Variants in NF1 observed in about 807,000 individuals in gnomAD.
NF1 encodes the protein neurofibromin.
In NF1, 122 loss-of-function variants were observed where a neutral mutation model predicts 325.7. That is an observed-to-expected ratio of 0.37 (90% CI 0.32 to 0.44). The LOEUF is 0.44. Among genes scored for constraint, NF1 ranks in the 20% least tolerant of loss-of-function variants. The probability of loss-of-function intolerance (pLI) is 1.00; values close to 1 mark genes in which losing one functional copy is unlikely to be tolerated. For synonymous variants in NF1, 1,091 were observed against 1,186.0 expected, an observed-to-expected ratio of 0.92 and a Z score of 1.65; for missense variants, 2,140 against 3,415.4, an observed-to-expected ratio of 0.63 and a Z score of 9.31.
intron 16 of NF1, among the ~76,000 whole-genome samples, chr17:31,224,567 G>A (rs563643774): frequency 4.0e-4 from 61 of 152,170 alleles, no homozygotes; most frequent in African/African-American, 1.4e-3. Flanking sequence ...TCATGGCCTC[G>A]CCTATGGTAT....
At chr17:31,323,277 G>T (rs1203559457) in intron 36 of NF1, among the ~76,000 whole-genome samples, 1 of 151,994 alleles carries the variant, frequency 6.6e-6, no homozygotes. Context: ...GCCGGGCATG[G>T]TGGCGCTTAT....
chr17:31,235,946 T>G lies in NF1; in HGVS notation c.3899T>G (p.Leu1300Arg). ...KVYGATYLQK[L>R]LDPLLRIVIT... ...TATGGTGCTACCTATCTACAAAAAC[T>G]CCTGGATCCTTTATTACGAATTGTG... Residue 1300 changes from leucine to arginine, a missense_variant, in exon 29 of 58, where the codon CTC becomes CGC. Leu to Arg is a moderately radical substitution (Grantham distance 102, BLOSUM62 -2). Transcript: ENST00000358273. The G allele has an allele frequency of 6.2e-7, 1 of 1,614,096 alleles. No individual in the cohort carries two copies. Among genetic ancestry groups the G allele is most frequent in the South Asian group, 1.1e-5 (1 of 91,078 alleles).
intron 1 of NF1, among the ~76,000 whole-genome samples, chr17:31,120,175 A>G (rs534117240): frequency 5.6e-4 from 85 of 152,274 alleles, no homozygotes; most frequent in African/African-American, 1.9e-3. Flanking sequence ...TGGGGATAGT[A>G]TTGAATCTAT....
At chr17:31,362,418 G>C in intron 57 of NF1, 3 of 892,758 alleles carry the variant, frequency 3.4e-6, no homozygotes, top group Non-Finnish European at 4.0e-6. Flanking sequence ...CTGAGTTTTA[G>C]AAGAGCTGGG....
At chr17:31,217,774 G>T (rs1209728834) in intron 13 of NF1, among the ~76,000 whole-genome samples, 2 of 151,356 alleles carry the variant, frequency 1.3e-5, no homozygotes, top group African/African-American at 4.8e-5. Context: ...AGACCAGCCT[G>T]GCCAACATGG....
intron 8 of NF1, among the ~76,000 whole-genome samples, chr17:31,197,619 A>G (rs752768898): frequency 6.6e-6 from 1 of 152,046 alleles, no homozygotes; most frequent in Non-Finnish European, 1.5e-5. Flanking sequence ...TTGCTAATGT[A>G]TAGAAATCCA....
chr17:31,368,380 C>G (rs1380134100), intron 57 of NF1, among the ~76,000 whole-genome samples: 1 of 152,182 alleles, frequency 6.6e-6, no homozygotes. Context: ...CCTCAAAGAT[C>G]TGCCTGCCTT....
At chr17:31,260,169 T>A (rs1266885041) in intron 33 of NF1, among the ~76,000 whole-genome samples, 200 bp from the exon 34 acceptor site, 4 of 152,208 alleles carry the variant, frequency 2.6e-5, no homozygotes, top group African/African-American at 9.7e-5. Context: ...ACTTTGAAGC[T>A]GAAGCCGGGT....
chr17:31,295,813 G>C, intron 36 of NF1: 1 of 1,614,154 alleles, frequency 6.2e-7, no homozygotes, highest in Non-Finnish European at 8.5e-7. Context: ...TATTAGACAG[G>C]TCCACGATAT....
chr17:31,196,854 G>T (rs897632879), intron 8 of NF1, among the ~76,000 whole-genome samples: 3 of 152,076 alleles, frequency 2.0e-5, no homozygotes, highest in Non-Finnish European at 2.9e-5. Context: ...ATGTGTGAGG[G>T]TTTCTTTCTA....
chr17:31,095,638 C>G (rs552169126), intron 1 of NF1, among the ~76,000 whole-genome samples: 1 of 152,184 alleles, frequency 6.6e-6, no homozygotes, highest in African/African-American at 2.4e-5. Context: ...CCCTCCATCC[C>G]CTTTATCCCA....
chr17:31,180,059 G>T (rs376503696), intron 5 of NF1, among the ~76,000 whole-genome samples: 2 of 152,038 alleles, frequency 1.3e-5, no homozygotes, highest in South Asian at 2.1e-4. Context: ...GGAAGAAGTC[G>T]AATCCCTGAA....
chr17:31,370,455 T>C (rs949829331), intron 57 of NF1, among the ~76,000 whole-genome samples: 4 of 152,198 alleles, frequency 2.6e-5, no homozygotes, highest in Non-Finnish European at 4.4e-5. Context: ...TCATAGTATG[T>C]GAACAACTTT....
At chr17:31,177,601 C>T (rs1418555257) in intron 5 of NF1, among the ~76,000 whole-genome samples, 1 of 151,806 alleles carries the variant, frequency 6.6e-6, no homozygotes, top group Non-Finnish European at 1.5e-5. Context: ...TAACCCAATG[C>T]AAGGAAGCTA....
chr17:31,100,437 G>T (rs572646437), intron 1 of NF1, among the ~76,000 whole-genome samples: 36 of 152,226 alleles, frequency 2.4e-4, no homozygotes, highest in Middle Eastern at 6.8e-3. Context: ...TTATGGTGAC[G>T]AATTCTTTAT....
At position 31,119,103 on chromosome 17, in the gene NF1, A is replaced by T. The variant is rs564276141; in HGVS notation, c.60+23734A>T. Among the ~76,000 whole-genome samples, 27 of 152,048 alleles carry T rather than the reference A, an allele frequency of 1.8e-4. No individual in the cohort carries two copies. In the South Asian group the frequency reaches 5.0e-3, roughly 28 times the overall value. On this transcript the variant is annotated intron_variant, in intron 1 of 57. Coordinates refer to ENST00000358273, the MANE Select transcript of NF1 (RefSeq NM_001042492.3). ...ATTACAGGTGTGTGCCACCACACCCAGCTAATTTTTTGTATCTTTAGTAGA... is the reference window on the plus strand; with the variant it reads ...ATTACAGGTGTGTGCCACCACACCCTGCTAATTTTTTGTATCTTTAGTAGA...
At chr17:31,320,513 A>G (rs1015139738) in intron 36 of NF1, 5 of 1,239,254 alleles carry the variant, frequency 4.0e-6, no homozygotes, top group Non-Finnish European at 5.8e-6. Flanking sequence ...ACATTTGTAT[A>G]CTATTAAAAT....
At chr17:31,130,108 A>G (rs2143455609) in intron 1 of NF1, among the ~76,000 whole-genome samples, 1 of 130,296 alleles carries the variant, frequency 7.7e-6, no homozygotes, top group African/African-American at 3.0e-5. Context: ...ATCCTATATG[A>G]TGACCTTGGA....
intron 36 of NF1, chr17:31,296,761 A>G (rs1448891732): frequency 4.4e-6 from 1 of 227,824 alleles, no homozygotes; most frequent in African/African-American, 2.3e-5. Flanking sequence ...TTTTTTTTTA[A>G]TCTCTGCAGT....
Sources: allele counts gnomAD v4.1 joint callset (sites outside exome capture counted in the v4.1 genomes callset), GRCh38; gene constraint gnomAD v4.1.1; transcripts MANE v1.5; gene names NCBI Gene and HGNC (gene_info 2026-07-23, HGNC 2026-07-21).